The following AFMID variants were observed in gnomAD, a reference collection of about 807,000 sequenced individuals.
AFMID encodes the protein kynurenine formamidase.
AFMID carries 39 observed loss-of-function variants against 47.5 expected under a neutral mutation model. That is an observed-to-expected ratio of 0.82 (90% CI 0.64 to 1.07). The LOEUF is 1.07. AFMID is among the 50% of genes least tolerant of loss of function. AFMID has a pLI of 0.00. For missense variants in AFMID, 375 were observed against 387.5 expected (o/e 0.97, Z 0.27); for synonymous variants, 130 against 153.2 (o/e 0.85, Z 1.12).
intron 2 of AFMID, chr17:78,192,672 C>G (rs12450989): frequency 8.9e-5 from 42 of 470,672 alleles, no homozygotes; most frequent in African/African-American, 8.4e-4. Flanking sequence ...CTAGTGAAGT[C>G]TTAAGGTCCA....
In AFMID at chr17:78,189,347, C is replaced by T. The variant is rs1027602286; in HGVS notation, c.64-1623C>T. Among the ~76,000 whole-genome samples the T allele has an allele frequency of 3.3e-5, 5 of 151,134 alleles. No individual in the cohort carries two copies. In the East Asian group the frequency reaches 5.9e-4, roughly 18 times the overall value. The stretch of plus-strand genomic sequence containing the variant: ...CAGCGATTCTCCTGCCTCAGCCTCC[C>T]GAGTAGCTGAGATTACGGGCGCCCG... On this transcript the variant is annotated intron_variant, in intron 1 of 10. Coordinates refer to ENST00000409257, the MANE Select transcript of AFMID (RefSeq NM_001010982.5).
intron 1 of AFMID, among the ~76,000 whole-genome samples, chr17:78,189,508 C>A (rs1221413693): frequency 4.0e-5 from 6 of 148,658 alleles, no homozygotes; most frequent in Non-Finnish European, 5.9e-5. Context: ...CAGGTGTGAG[C>A]CACCACGCCC....
In AFMID at chr17:78,207,019, A is replaced by C; in HGVS notation, c.*82A>C. On this transcript the variant is annotated 3_prime_UTR_variant, in exon 11 of 11. Coordinates refer to ENST00000409257, the MANE Select transcript of AFMID (RefSeq NM_001010982.5). ...AAGAGCTTTCGGAGCTGACACTGAC[A>C]GCTTCAGTTTCCCCCAGCACCCAGG... The C allele has an allele frequency of 6.9e-7, 1 of 1,457,802 alleles. No homozygotes were observed. Among genetic ancestry groups the C allele is most frequent in the Non-Finnish European group, 9.6e-7 (1 of 1,038,158 alleles). The allele number at this position is 1,457,802 out of a possible 1,614,324, so 90.3% of individuals were successfully genotyped here. A position where few individuals can be genotyped will look rare whatever the true frequency, so the allele number is the denominator to read the frequency against.
rs1353557233 is a variant in AFMID, at chr17:78,205,933, C to T, written c.781-13C>T. The stretch of plus-strand genomic sequence containing the variant: ...ACTGCTCAGGCCCCTCTTCCCATGT[C>T]TCCCCTGCCCAGACCCTGTGTCAAG... On this transcript the variant is annotated splice_polypyrimidine_tract_variant and intron_variant, in intron 9 of 10. Transcript: ENST00000409257. 3 of 1,613,162 alleles carry T rather than the reference C, an allele frequency of 1.9e-6. No individual in the cohort carries two copies.
In AFMID at chr17:78,206,762, G is replaced by A. The variant is rs957683654; in HGVS notation, c.886-149G>A. 7.7e-5 allele frequency: 56 copies of A among 726,912 alleles called. No homozygotes were observed. The Admixed American group carries it at 1.1e-3, about 15-fold the overall frequency. The allele number at this position is 726,912 out of a possible 1,614,324, so 45.0% of individuals were successfully genotyped here. On this transcript the variant is annotated intron_variant, in intron 10 of 10. Transcript: ENST00000409257. ...TAACCAGACTGTCTTCAACTCCTGA[G>A]TTCAAGTGATCTTCCCACCTCAGCC... is the stretch of plus-strand genomic sequence containing the variant.
chr17:78,206,531 C>G (rs12452036), intron 10 of AFMID, among the ~76,000 whole-genome samples: 6 of 151,264 alleles, frequency 4.0e-5, no homozygotes, highest in Non-Finnish European at 7.4e-5. Flanking sequence ...CCCAGCCTCT[C>G]GAGTAGCTGG....
chr17:78,197,182 C>T, intron 2 of AFMID: 2 of 1,550,588 alleles, frequency 1.3e-6, no homozygotes, highest in Non-Finnish European at 1.7e-6. Flanking sequence ...TCACGACCTT[C>T]TGATGAAGCC....
In AFMID at chr17:78,190,958, T is replaced by C; in HGVS notation, c.64-12T>C. ...GGAAAGTCTTACGGAGCCTCATGTT[T>C]GTGCCCTGCAGGAGCTGGAGAATCA... On this transcript the variant is annotated splice_polypyrimidine_tract_variant and intron_variant, in intron 1 of 10. Transcript: ENST00000409257. The C allele has an allele frequency of 2.5e-6, 4 of 1,612,856 alleles. No homozygotes were observed. The highest frequency in any genetic ancestry group is 3.4e-6 in the Non-Finnish European group (4 of 1,179,538).
chr17:78,206,119 G>T, intron 10 of AFMID, 69 bp downstream of exon 10: 1 of 1,389,392 alleles, frequency 7.2e-7, no homozygotes, highest in East Asian at 2.3e-5. Context: ...CCTTAGATGT[G>T]CAAACCAGGA....
chr17:78,192,184 T>A (rs1683206296), intron 2 of AFMID, among the ~76,000 whole-genome samples: 2 of 151,226 alleles, frequency 1.3e-5, no homozygotes, highest in South Asian at 2.1e-4. Context: ...TATTTTTTTT[T>A]TTTTTTAGTA....
intron 3 of AFMID, 22 bp downstream of exon 3, chr17:78,202,625 G>T (rs765508820): frequency 6.2e-7 from 1 of 1,605,552 alleles, no homozygotes; most frequent in South Asian, 1.1e-5. Context: ...AGGGGCTGGG[G>T]GTCCCGGGGC....
intron 1 of AFMID, among the ~76,000 whole-genome samples, chr17:78,189,219 CTTTTTTTTTTTT>C (rs770863206): frequency 2.4e-5 from 3 of 122,750 alleles, no homozygotes; most frequent in African/African-American, 6.4e-5. Context: ...TTCCTTGTTA[CTTTTTTTTTTTT>C]TTTTTTTTGA....
At position 78,207,105 on chromosome 17, in the gene AFMID, A is replaced by G; in HGVS notation, c.*168A>G. 1.4e-6 allele frequency: 1 copy of G among 730,998 alleles called. No individual in the cohort carries two copies. The allele number at this position is 730,998 out of a possible 1,614,324, so 45.3% of individuals were successfully genotyped here. A position where few individuals can be genotyped will look rare whatever the true frequency, so the allele number is the denominator to read the frequency against. ...CATTCTCACTGCTGGGACACTCATG[A>G]AAATCTCCACGTCCTCCCTCTTCCC... is the stretch of plus-strand genomic sequence containing the variant. On this transcript the variant is annotated 3_prime_UTR_variant, in exon 11 of 11. Coordinates refer to ENST00000409257, the MANE Select transcript of AFMID (RefSeq NM_001010982.5).
intron 2 of AFMID, among the ~76,000 whole-genome samples, chr17:78,191,652 A>T (rs1242386933): frequency 2.0e-5 from 3 of 150,326 alleles, no homozygotes; most frequent in Non-Finnish European, 4.4e-5. Context: ...CAGCCTGGGT[A>T]ACAGTGAGAC....
chr17:78,204,762 A>G (rs1433357810), intron 5 of AFMID, 21 bp downstream of exon 5: 10 of 1,614,060 alleles, frequency 6.2e-6, no homozygotes, highest in African/African-American at 1.3e-5. Context: ...TGGTTGCTGC[A>G]GGTCCGAGGG....
intron 2 of AFMID, among the ~76,000 whole-genome samples, chr17:78,194,704 T>A (rs1300064229): frequency 6.6e-6 from 1 of 152,328 alleles, no homozygotes; most frequent in East Asian, 1.9e-4. Context: ...AATACTTTTT[T>A]TTTTTTAAGA....
rs773924050 is a variant in AFMID at position 78,204,905 on chromosome 17, G to A, written c.467+5G>A. On this transcript the variant is annotated splice_donor_5th_base_variant and intron_variant, in intron 6 of 10. Transcript: ENST00000409257. ...GAAGCGGTATCCAAGCAACAAGTGGGTGTTGCCAGTAGATTTTCTTCCTGT... is the reference window on the plus strand; with the variant it reads ...GAAGCGGTATCCAAGCAACAAGTGGATGTTGCCAGTAGATTTTCTTCCTGT... The A allele has an allele frequency of 6.2e-7, 1 of 1,614,190 alleles. No homozygotes were observed. The highest frequency in any genetic ancestry group is 1.1e-5 in the South Asian group (1 of 91,084).
intron 1 of AFMID, 197 bp from the exon 2 acceptor site, chr17:78,190,773 T>A: frequency 1.8e-6 from 1 of 549,204 alleles, no homozygotes; most frequent in Non-Finnish European, 3.3e-6. Flanking sequence ...CATCTCCCCT[T>A]AAGGCTGCCA....
At chr17:78,204,505 A>G (rs910088254) in intron 4 of AFMID, 151 bp from the exon 5 acceptor site, 6 of 736,876 alleles carry the variant, frequency 8.1e-6, no homozygotes, top group Non-Finnish European at 2.3e-6. Context: ...TGTGGCAGGG[A>G]GAGAGCCTGT....
Sources: allele counts gnomAD v4.1 joint callset (sites outside exome capture counted in the v4.1 genomes callset), GRCh38; gene constraint gnomAD v4.1.1; transcripts MANE v1.5; gene names NCBI Gene and HGNC (gene_info 2026-07-23, HGNC 2026-07-21).